The following PNPT1 variants were observed in gnomAD, a reference collection of about 807,000 sequenced individuals.
PNPT1 encodes the protein polyribonucleotide nucleotidyltransferase 1, mitochondrial.
Under a neutral mutation model 119.5 loss-of-function variants are expected in PNPT1, and 53 were observed. The observed-to-expected ratio is 0.44, with a 90% CI of 0.36 to 0.56. PNPT1 has a LOEUF of 0.56. PNPT1 is among the 20% of genes least tolerant of loss of function. PNPT1 has a pLI of 0.00. For missense variants in PNPT1, 948 were observed against 938.5 expected (o/e 1.01, Z -0.13); for synonymous variants, 357 against 322.1 (o/e 1.11, Z -1.16).
chr2:55,650,118 A>T (rs1696124371), intron 18 of PNPT1, among the ~76,000 whole-genome samples: 4 of 149,026 alleles, frequency 2.7e-5, no homozygotes, highest in African/African-American at 9.9e-5. Flanking sequence ...CTTAAAAAAA[A>T]TCCTGCCCTC....
intron 11 of PNPT1, among the ~76,000 whole-genome samples, chr2:55,668,841 C>A (rs777711293): frequency 6.6e-6 from 1 of 152,148 alleles, no homozygotes; most frequent in Non-Finnish European, 1.5e-5. Context: ...CTCAGGTGAT[C>A]CGCCTGCCTT....
At position 55,643,442 on chromosome 2, in the gene PNPT1, G is replaced by A. The variant is rs771144492; in HGVS notation, c.1907-17C>T. The stretch of plus-strand genomic sequence containing the variant: ...TAGTTACACCTTTTAAAAACAAAAT[G>A]TAACATATTAAAGTTAACTTGGCTG... On this transcript the variant is annotated splice_polypyrimidine_tract_variant and intron_variant, in intron 23 of 27. Transcript: ENST00000447944. 7.5e-6 allele frequency: 12 copies of A among 1,606,212 alleles called. No individual in the cohort carries two copies. In the Admixed American group the frequency reaches 1.5e-4, roughly 20 times the overall value.
At chr2:55,691,811 G>A (rs1374009205) in intron 1 of PNPT1, among the ~76,000 whole-genome samples, 2 of 143,694 alleles carry the variant, frequency 1.4e-5, no homozygotes, top group East Asian at 2.1e-4. Context: ...ACTACAGCTT[G>A]TGGCCTATTT....
intron 4 of PNPT1, among the ~76,000 whole-genome samples, chr2:55,684,699 T>G (rs1215698825): frequency 2.0e-5 from 3 of 152,262 alleles, no homozygotes; most frequent in Non-Finnish European, 4.4e-5. Flanking sequence ...CAACAAATAT[T>G]TATTGAATGC....
chr2:55,686,358 G>C lies in PNPT1; in HGVS notation c.297+12C>G, dbSNP rs759974428. Reference sequence around the variant, plus strand: ...ACCATATTACAGTTCAGATAAATCAGCAAATACTTACCACCAAAGGCATAA... The same window carrying C: ...ACCATATTACAGTTCAGATAAATCACCAAATACTTACCACCAAAGGCATAA... On this transcript the variant is annotated intron_variant, in intron 3 of 27. Transcript: ENST00000447944. 6 of 1,597,730 alleles carry C rather than the reference G, an allele frequency of 3.8e-6. No individual in the cohort carries two copies. The South Asian group carries it at 6.6e-5, about 18-fold the overall frequency.
intron 25 of PNPT1, among the ~76,000 whole-genome samples, 196 bp downstream of exon 25, chr2:55,642,962 T>A (rs1308968617): frequency 6.6e-6 from 1 of 151,798 alleles, no homozygotes; most frequent in East Asian, 1.9e-4. Flanking sequence ...ACAAAAAAAT[T>A]AAAAAATCAG....
intron 1 of PNPT1, among the ~76,000 whole-genome samples, chr2:55,691,989 G>C (rs1232548905): frequency 1.4e-5 from 2 of 147,022 alleles, no homozygotes; most frequent in African/African-American, 5.0e-5. Context: ...GGGTTCAACC[G>C]ATTCTCCTGC....
chr2:55,693,801 C>T lies in PNPT1; in HGVS notation c.23G>A (p.Cys8Tyr), dbSNP rs755085159. The change falls in exon 1 of 28, where the codon TGC becomes TAC. Residue 8 changes from cysteine to tyrosine, a missense_variant. Cys to Tyr is a radical substitution (Grantham distance 194). Coordinates refer to ENST00000447944, the MANE Select transcript of PNPT1 (RefSeq NM_033109.5). MAACRYC[C>Y]SCLRLRPLSD... ...CAGGGGCCGGAGCCGGAGGCACGAG[C>T]AGCAGTACCTGCAGGCCGCCATGAC... The T allele has an allele frequency of 2.5e-6, 4 of 1,613,930 alleles. No homozygotes were observed. Among genetic ancestry groups the T allele is most frequent in the Admixed American group, 1.7e-5 (1 of 60,032 alleles).
chr2:55,662,328 T>C (rs992640242), intron 13 of PNPT1, among the ~76,000 whole-genome samples: 1 of 151,586 alleles, frequency 6.6e-6, no homozygotes, highest in African/African-American at 2.4e-5. Context: ...TGTAGGAGAG[T>C]ACGCTGAGGA....
chr2:55,676,043 C>T (rs557295409), intron 8 of PNPT1, among the ~76,000 whole-genome samples: 1 of 152,040 alleles, frequency 6.6e-6, no homozygotes, highest in South Asian at 2.1e-4. Context: ...GGTGGATCAC[C>T]TGAGTTCAGG....
chr2:55,674,462 G>A (rs1047537191), intron 8 of PNPT1, among the ~76,000 whole-genome samples: 5 of 152,054 alleles, frequency 3.3e-5, no homozygotes, highest in Admixed American at 2.0e-4. Flanking sequence ...GCATAGTGGC[G>A]TGCACCTGTA....
intron 14 of PNPT1, among the ~76,000 whole-genome samples, chr2:55,661,477 T>A (rs7596377): frequency 0.45 from 68,112 of 151,924 alleles, 16,212 homozygotes; most frequent in African/African-American, 0.62. Flanking sequence ...ATGATTTTAC[T>A]GTTGACTTTT....
At chr2:55,652,740 C>T (rs1157600700) in intron 18 of PNPT1, among the ~76,000 whole-genome samples, 1 of 152,242 alleles carries the variant, frequency 6.6e-6, no homozygotes, top group Non-Finnish European at 1.5e-5. Flanking sequence ...ATCACACCAA[C>T]AGCAATACCC....
chr2:55,667,450 T>C (rs1476471489), intron 12 of PNPT1, among the ~76,000 whole-genome samples: 3 of 151,858 alleles, frequency 2.0e-5, no homozygotes, highest in East Asian at 3.9e-4. Context: ...AAAAATTAGC[T>C]GGGCATGGTG....
At chr2:55,679,893 C>T (rs781141023) in intron 7 of PNPT1, 98 bp from the exon 8 acceptor site, 143 of 794,116 alleles carry the variant, frequency 1.8e-4, no homozygotes, top group Non-Finnish European at 2.5e-4. Flanking sequence ...TGATTGTGAC[C>T]ACAGAATAAA....
chr2:55,661,956 T>C lies in PNPT1; in HGVS notation c.1247A>G (p.Asn416Ser), dbSNP rs752847895. The C allele has an allele frequency of 6.4e-7, 1 of 1,562,926 alleles. No individual in the cohort carries two copies. The highest frequency in any genetic ancestry group is 8.6e-7 in the Non-Finnish European group (1 of 1,161,764). Residue 416 changes from asparagine to serine, a missense_variant and splice_region_variant, in exon 14 of 28, where the codon AAT (asparagine) becomes AGT (serine). Transcript: ENST00000447944. ...CAAACATCTTAAAAACATAACTTACTTTATAGCTGTTATAACTTGATCTGA... is the reference window on the plus strand; with the variant it reads ...CAAACATCTTAAAAACATAACTTACCTTATAGCTGTTATAACTTGATCTGA... ...IKSDQVITAI[N>S]GIKDKNFMLH...
intron 13 of PNPT1, 138 bp downstream of exon 13, chr2:55,666,853 C>A: frequency 1.8e-6 from 1 of 565,298 alleles, no homozygotes; most frequent in Non-Finnish European, 2.9e-6. Context: ...ACAAAACAAA[C>A]AAGAACCGCC....
intron 12 of PNPT1, 130 bp downstream of exon 12, chr2:55,667,732 T>C: frequency 8.1e-7 from 1 of 1,236,308 alleles, no homozygotes; most frequent in Non-Finnish European, 1.1e-6. Context: ...TGTCCATTTA[T>C]ATAGCAAATA....
intron 21 of PNPT1, among the ~76,000 whole-genome samples, 154 bp downstream of exon 21, chr2:55,646,105 G>A (rs374668261): frequency 2.4e-4 from 37 of 152,166 alleles, no homozygotes; most frequent in African/African-American, 8.4e-4. Flanking sequence ...TGGGATTACA[G>A]ACATGAGCCA....
Sources: allele counts gnomAD v4.1 joint callset (sites outside exome capture counted in the v4.1 genomes callset), GRCh38; gene constraint gnomAD v4.1.1; transcripts MANE v1.5; gene names NCBI Gene and HGNC (gene_info 2026-07-23, HGNC 2026-07-21).